PIK3C2B: variants seen among roughly 807,000 people sequenced by gnomAD.
PIK3C2B encodes the protein phosphatidylinositol-4-phosphate 3-kinase catalytic subunit type 2 beta, also known as phosphatidylinositol 4-phosphate 3-kinase C2 domain-containing subunit beta.
PIK3C2B carries 83 observed loss-of-function variants against 184.3 expected under a neutral mutation model. The observed-to-expected ratio is 0.45, with a 90% CI of 0.38 to 0.54. The LOEUF is 0.54. PIK3C2B is among the 20% of genes least tolerant of loss of function. The pLI is 0.00. For missense variants in PIK3C2B, 1,736 were observed against 2,113.5 expected, an observed-to-expected ratio of 0.82 and a Z score of 3.50; for synonymous variants, 779 against 837.6, an observed-to-expected ratio of 0.93 and a Z score of 1.21.
At position 204,450,198 on chromosome 1, in the gene PIK3C2B, C is replaced by A. The variant is rs893529364; in HGVS notation, c.2067-181G>T. 1.7e-4 allele frequency: 94 copies of A among 558,888 alleles called. No homozygotes were observed. In the East Asian group the frequency reaches 2.6e-3, roughly 16 times the overall value. The allele number at this position is 558,888 out of a possible 1,614,324, so 34.6% of individuals were successfully genotyped here. On this transcript the variant is annotated intron_variant, in intron 12 of 32. Transcript: ENST00000684373. Reference sequence around the variant, plus strand: ...GGAGAGGTCCCAAACTAGGCAAAACCCCCACTGGATGTTCCCAGAAGCACA... The same window carrying A: ...GGAGAGGTCCCAAACTAGGCAAAACACCCACTGGATGTTCCCAGAAGCACA...
rs1366975552 is a variant in PIK3C2B, at chr1:204,427,774, C to T, written c.4481-20G>A. 2 of 1,558,314 alleles carry T rather than the reference C, an allele frequency of 1.3e-6. No homozygotes were observed. Among genetic ancestry groups the T allele is most frequent in the African/African-American group, 1.4e-5 (1 of 73,656 alleles). ...TGCCATCTGTAGGGACAAATGAAAC[C>T]ATGAAGGGTCAAGAGGCCAGGCAGG... On this transcript the variant is annotated intron_variant, in intron 30 of 32. Transcript: ENST00000684373.
intron 2 of PIK3C2B, chr1:204,466,990 A>T: frequency 4.0e-6 from 2 of 505,388 alleles, no homozygotes; most frequent in South Asian, 2.9e-5. Flanking sequence ...CCCTCCCAGC[A>T]GGCTGAGCCC....
chr1:204,425,119 G>A (rs892163912), intron 32 of PIK3C2B, 79 bp from the exon 33 acceptor site: 6 of 1,217,164 alleles, frequency 4.9e-6, no homozygotes, highest in African/African-American at 1.5e-5. Context: ...GAGGGAGATG[G>A]TAAAGTCTGT....
At chr1:204,467,291 G>C (rs1249574183) in intron 2 of PIK3C2B, 1 of 203,146 alleles carries the variant, frequency 4.9e-6, no homozygotes, top group African/African-American at 2.3e-5. Context: ...TAAATAGCGG[G>C]AACAGCCCCA....
intron 11 of PIK3C2B, among the ~76,000 whole-genome samples, chr1:204,455,344 C>CGGCA (rs1553303540): frequency 6.5e-5 from 9 of 139,252 alleles, no homozygotes; most frequent in African/African-American, 2.2e-4. Context: ...GAAAGGGGAC[C>CGGCA]GGCAGGGGCG....
chr1:204,456,873 A>AACACACACACACACACACACAC (rs747482741), intron 10 of PIK3C2B, among the ~76,000 whole-genome samples, 164 bp downstream of exon 10: 3 of 141,604 alleles, frequency 2.1e-5, no homozygotes, highest in East Asian at 4.2e-4. Context: ...CTCATATAGG[A>AACACACACACACACACACACAC]ACACACACAC....
In PIK3C2B at chr1:204,428,746, G is replaced by A. The variant is rs553946342; in HGVS notation, c.4399-526C>T. Among the ~76,000 whole-genome samples, 331 of 152,168 alleles carry A rather than the reference G, an allele frequency of 2.2e-3. 2 individuals are homozygous for A. The highest frequency in any genetic ancestry group is 6.8e-3 in the Middle Eastern group (2 of 294). ...GATCCACCTGCCTCGGCCTCCCAAA[G>A]TGCTAAGATTACAGGCATGAGCCAC... On this transcript the variant is annotated intron_variant, in intron 29 of 32. Transcript: ENST00000684373.
chr1:204,424,989 G>A lies in PIK3C2B; in HGVS notation c.4768C>T (p.Leu1590=), dbSNP rs1239471017. The change falls in exon 33 of 33, where the codon CTG becomes TTG. Residue 1590 remains leucine, a synonymous_variant. Transcript: ENST00000684373. ...AATCCCTGCTCACTCAGCACGCTCA[G>A]CTGGAGCTCCCGCTGCTGCAGGTCA... ...KGDLQQRELQ[L]SVLSEQGFWE... is the part of the protein sequence containing the mutation. 1.2e-6 allele frequency: 2 copies of A among 1,613,996 alleles called. No homozygotes were observed.
At chr1:204,429,707 CTTT>C (rs1674936706) in intron 29 of PIK3C2B, among the ~76,000 whole-genome samples, 1 of 113,136 alleles carries the variant, frequency 8.8e-6, no homozygotes, top group Non-Finnish European at 1.8e-5. Flanking sequence ...ATGCATTCAC[CTTT>C]CTGTTTAATT....
At position 204,444,124 on chromosome 1, in the gene PIK3C2B, C is replaced by T. The variant is rs757648157; in HGVS notation, c.2811G>A (p.Val937=). 2 of 1,613,902 alleles carry T rather than the reference C, an allele frequency of 1.2e-6. No individual in the cohort carries two copies. Among genetic ancestry groups the T allele is most frequent in the Non-Finnish European group, 1.7e-6 (2 of 1,179,748 alleles). ...ACACAGCTCGTTTCAGGAGGAAGCG[C>T]ACCAACGGGCTGTCCAGGTAGCATT... is the stretch of plus-strand genomic sequence containing the variant. ...KYECYLDSPL[V]RFLLKRAVSD... Residue 937 remains valine, a synonymous_variant, in exon 18 of 33, where the codon GTG becomes GTA. Transcript: ENST00000684373.
chr1:204,447,855 C>G lies in PIK3C2B; in HGVS notation c.2347-277G>C, dbSNP rs555961798. Among the ~76,000 whole-genome samples, 1 of 152,284 alleles carries G rather than the reference C, an allele frequency of 6.6e-6. No homozygotes were observed. Among genetic ancestry groups the G allele is most frequent in the East Asian group, 1.9e-4 (1 of 5,168 alleles). On this transcript the variant is annotated intron_variant, in intron 14 of 32. Coordinates refer to ENST00000684373, the MANE Select transcript of PIK3C2B (RefSeq NM_001377334.1). This position sits in a 1 kb window ranked among gnomAD's most constrained non-coding sequence, Gnocchi z 4.1. ...TGGTGAGGGGTGAGGGGACAAGCCC[C>G]AGCCAGAACTCTGAACAGAGGTGTC...
intron 1 of PIK3C2B, among the ~76,000 whole-genome samples, chr1:204,493,841 C>G (rs1169497378): frequency 6.6e-6 from 1 of 152,220 alleles, no homozygotes; most frequent in Admixed American, 6.5e-5. Context: ...CTTTCAGTCT[C>G]CTTTTGCTGC....
rs139118184 is a variant in PIK3C2B, at chr1:204,443,447, C to T, written c.3018G>A (p.Gln1006=). The change falls in exon 19 of 33, where the codon CAG becomes CAA. Residue 1006 remains glutamine (Q), a synonymous_variant. Transcript: ENST00000684373. The part of the protein sequence containing the change: ...LVNALAKLAQ[Q]VREAAPSARQ... ...TTGCAGATGGGGCTGCCTCCCGGACCTGCTGGGCCAGTTTGGCCAGGGCAT... is the reference window on the plus strand; with the variant it reads ...TTGCAGATGGGGCTGCCTCCCGGACTTGCTGGGCCAGTTTGGCCAGGGCAT... 5.6e-6 allele frequency: 9 copies of T among 1,614,082 alleles called. No homozygotes were observed. In the African/African-American group the frequency reaches 8.0e-5, roughly 14 times the overall value.
chr1:204,470,020 G>C (rs919229145), intron 1 of PIK3C2B, 134 bp from the exon 2 acceptor site: 11 of 571,548 alleles, frequency 1.9e-5, no homozygotes, highest in African/African-American at 1.9e-4. Flanking sequence ...GAATGTACAG[G>C]AAGATGGAGG....
At position 204,449,581 on chromosome 1, in the gene PIK3C2B, A is replaced by G. The variant is rs568234081; in HGVS notation, c.2234+269T>C. Among the ~76,000 whole-genome samples the G allele has an allele frequency of 4.6e-5, 7 of 152,144 alleles. No homozygotes were observed. The East Asian group carries it at 5.8e-4, about 13-fold the overall frequency. On this transcript the variant is annotated intron_variant, in intron 13 of 32. Transcript: ENST00000684373. ...CTAGATGACCTCTAAGGTTCTTCCAATGACAAGACCAGATGATCTATTACC... is the reference window on the plus strand; with the variant it reads ...CTAGATGACCTCTAAGGTTCTTCCAGTGACAAGACCAGATGATCTATTACC...
chr1:204,434,336 T>G (rs1384898442), intron 24 of PIK3C2B, 103 bp downstream of exon 24: 106 of 1,037,552 alleles, frequency 1.0e-4, no homozygotes, highest in Non-Finnish European at 7.5e-5. Context: ...GACCATGATC[T>G]GAGGCCCAGC....
chr1:204,443,408 C>T lies in PIK3C2B; in HGVS notation c.3048+9G>A, dbSNP rs1203769268. ...GAGAAATGGGTAGGGGCAGCCTCAC[C>T]CCACTAACCTGCCTTGCAGATGGGG... On this transcript the variant is annotated intron_variant, in intron 19 of 32. Transcript: ENST00000684373. 1 of 1,611,276 alleles carries T rather than the reference C, an allele frequency of 6.2e-7. No homozygotes were observed.
chr1:204,454,704 G>A lies in PIK3C2B; in HGVS notation c.2031C>T (p.Ser677=). 2 of 1,613,342 alleles carry A rather than the reference G, an allele frequency of 1.2e-6. No homozygotes were observed. The highest frequency in any genetic ancestry group is 1.1e-5 in the South Asian group (1 of 91,056). ...SPLQTRRAHF[S]KYLFHLIVWD... is the part of the protein sequence containing the mutation. ...AGACGATGAGGTGGAAGAGGTACTT[G>A]GAGAAGTGAGCTCTTCGGGTCTGCA... The change falls in exon 12 of 33, where the codon TCC becomes TCT. Residue 677 remains serine (S), a synonymous_variant. Transcript: ENST00000684373.
At chr1:204,443,779 G>A (rs998554196) in intron 18 of PIK3C2B, among the ~76,000 whole-genome samples, 182 bp from the exon 19 acceptor site, 2 of 152,214 alleles carry the variant, frequency 1.3e-5, no homozygotes, top group Admixed American at 1.3e-4. Flanking sequence ...ACCCCAGTCT[G>A]TGCCCTCACT....
Sources: allele counts gnomAD v4.1 joint callset (sites outside exome capture counted in the v4.1 genomes callset), GRCh38; gene constraint gnomAD v4.1.1; non-coding constraint Gnocchi (gnomAD v3.1); transcripts MANE v1.5; gene names NCBI Gene and HGNC (gene_info 2026-07-23, HGNC 2026-07-21).